NUBPL: variants seen among roughly 807,000 people sequenced by gnomAD.
NUBPL encodes iron-sulfur cluster transfer protein NUBPL.
NUBPL carries 31 observed loss-of-function variants against 45.7 expected under a neutral mutation model. The observed-to-expected ratio is 0.68, with a 90% confidence interval of 0.51 to 0.92. The LOEUF is 0.92. NUBPL is among the 40% of genes least tolerant of loss of function. The pLI, the probability that NUBPL is intolerant of heterozygous loss-of-function variation, is 0.00. For missense variants in NUBPL, 401 were observed against 398.7 expected (o/e 1.01, Z -0.05); for synonymous variants, 144 against 140.9 (o/e 1.02, Z -0.15).
intron 4 of NUBPL, among the ~76,000 whole-genome samples, chr14:31,603,117 G>T (rs1012440932): frequency 2.6e-5 from 4 of 151,802 alleles, no homozygotes; most frequent in Admixed American, 6.6e-5. Flanking sequence ...TTCAAGACCA[G>T]CCTGGGCAAC....
At chr14:31,687,528 A>G (rs1480678792) in intron 6 of NUBPL, among the ~76,000 whole-genome samples, 3 of 152,250 alleles carry the variant, frequency 2.0e-5, no homozygotes, top group Admixed American at 1.3e-4. Context: ...CATAAAATTC[A>G]CTGTACTACA....
chr14:31,809,909 C>T (rs1458144503), intron 7 of NUBPL, among the ~76,000 whole-genome samples: 1 of 152,126 alleles, frequency 6.6e-6, no homozygotes, highest in Non-Finnish European at 1.5e-5. Flanking sequence ...TGTTAAGTTT[C>T]CATGTAGTTG....
At chr14:31,610,538 G>C (rs2139597651) in intron 4 of NUBPL, among the ~76,000 whole-genome samples, 2 of 145,606 alleles carry the variant, frequency 1.4e-5, no homozygotes, top group Middle Eastern at 7.4e-3. Context: ...AACAGAGGAG[G>C]AGGGAATATT....
chr14:31,673,862 A>G (rs2036631707), intron 6 of NUBPL, among the ~76,000 whole-genome samples: 1 of 152,198 alleles, frequency 6.6e-6, no homozygotes, highest in Admixed American at 6.5e-5. Flanking sequence ...CAATTTTTAT[A>G]AGTTATCTTC....
chr14:31,812,531 A>G (rs1217595212), intron 7 of NUBPL, among the ~76,000 whole-genome samples: 1 of 152,202 alleles, frequency 6.6e-6, no homozygotes, highest in Non-Finnish European at 1.5e-5. Context: ...TTTTCCCGGT[A>G]CAGTCTGTCA....
rs1230533102 is a variant in NUBPL at position 31,739,258 on chromosome 14, T to A, written c.514-48522T>A. The stretch of plus-strand genomic sequence containing the variant: ...TTATATTCTATATATATATATTTTT[T>A]TTTTTTAGTAGAGATGGGGTTTCAC... On this transcript the variant is annotated intron_variant, in intron 6 of 10. Coordinates refer to ENST00000281081, the MANE Select transcript of NUBPL (RefSeq NM_025152.3). Among the ~76,000 whole-genome samples the A allele has an allele frequency of 3.3e-4, 45 of 135,344 alleles. 2 individuals are homozygous for A. Among genetic ancestry groups the A allele is most frequent in the Middle Eastern group, 7.2e-3 (2 of 276 alleles). The allele number at this position is 135,344 out of a possible 152,430, so 88.8% of individuals were successfully genotyped here. A position where few individuals can be genotyped will look rare whatever the true frequency, so the allele number is the denominator to read the frequency against.
chr14:31,659,906 A>G (rs776838925), intron 4 of NUBPL, among the ~76,000 whole-genome samples: 15 of 152,162 alleles, frequency 9.9e-5, no homozygotes, highest in Non-Finnish European at 2.1e-4. Flanking sequence ...AATAGATTGG[A>G]TTAAAGGAAA....
intron 4 of NUBPL, among the ~76,000 whole-genome samples, chr14:31,651,125 C>T (rs774717653): frequency 1.3e-4 from 20 of 152,090 alleles, no homozygotes; most frequent in African/African-American, 3.9e-4. Flanking sequence ...TACTGTTCCA[C>T]GTCTTTGGAT....
intron 4 of NUBPL, among the ~76,000 whole-genome samples, chr14:31,600,801 T>C (rs1054778606): frequency 2.0e-5 from 3 of 151,602 alleles, no homozygotes; most frequent in South Asian, 4.2e-4. Context: ...CCATTGCTTT[T>C]GGTGTTTTAG....
intron 6 of NUBPL, among the ~76,000 whole-genome samples, chr14:31,730,455 C>A (rs915850832): frequency 1.3e-5 from 2 of 150,346 alleles, no homozygotes; most frequent in African/African-American, 2.4e-5. Flanking sequence ...TCTGCTGGAT[C>A]AAGTAATCTT....
intron 6 of NUBPL, among the ~76,000 whole-genome samples, chr14:31,749,181 GT>G (rs1566539989): frequency 6.6e-6 from 1 of 152,102 alleles, no homozygotes; most frequent in East Asian, 1.9e-4. Flanking sequence ...TTTTTTGATT[GT>G]TTTGAATTTC....
At chr14:31,607,133 C>T (rs765749867) in intron 4 of NUBPL, among the ~76,000 whole-genome samples, 1 of 152,132 alleles carries the variant, frequency 6.6e-6, no homozygotes, top group Non-Finnish European at 1.5e-5. Flanking sequence ...GTAATCCTAG[C>T]ACTTCGTGAG....
intron 4 of NUBPL, among the ~76,000 whole-genome samples, chr14:31,633,201 T>C (rs568349532): frequency 2.6e-5 from 4 of 152,298 alleles, no homozygotes; most frequent in African/African-American, 9.6e-5. Context: ...TGCATGGCCT[T>C]TGACCTACCT....
At chr14:31,696,353 T>G (rs2139878532) in intron 6 of NUBPL, among the ~76,000 whole-genome samples, 2 of 152,334 alleles carry the variant, frequency 1.3e-5, no homozygotes, top group South Asian at 4.1e-4. Context: ...AGACACATCT[T>G]GCACTGTTCT....
chr14:31,613,888 A>G (rs759336043), intron 4 of NUBPL, among the ~76,000 whole-genome samples: 17 of 152,162 alleles, frequency 1.1e-4, no homozygotes, highest in Non-Finnish European at 2.2e-4. Context: ...CATACTATGT[A>G]CTCACAAAAA....
At chr14:31,632,003 A>G (rs755083685) in intron 4 of NUBPL, among the ~76,000 whole-genome samples, 1 of 152,178 alleles carries the variant, frequency 6.6e-6, no homozygotes, top group Non-Finnish European at 1.5e-5. Context: ...AAGTTGTATA[A>G]TAATGAATCA....
intron 4 of NUBPL, among the ~76,000 whole-genome samples, chr14:31,639,380 G>A (rs2035610620): frequency 6.6e-6 from 1 of 152,202 alleles, no homozygotes; most frequent in Admixed American, 6.5e-5. Context: ...ATCAGCAGCG[G>A]TGGCTGCAGA....
intron 6 of NUBPL, among the ~76,000 whole-genome samples, chr14:31,725,406 C>G (rs1040573850): frequency 2.6e-5 from 4 of 152,094 alleles, no homozygotes; most frequent in African/African-American, 4.8e-5. Context: ...ATCCAAAATG[C>G]TGCGTACCAG....
intron 8 of NUBPL, 137 bp downstream of exon 8, chr14:31,826,851 G>A: frequency 1.3e-6 from 1 of 794,300 alleles, no homozygotes; most frequent in Non-Finnish European, 2.1e-6. Context: ...TCATTTTGGT[G>A]ACTTTAAAAA....
Sources: gnomAD v4.1 joint callset for allele counts (sites outside exome capture counted in the v4.1 genomes callset) on GRCh38, gnomAD v4.1.1 for gene constraint, MANE v1.5 for transcripts, NCBI Gene and HGNC (gene_info 2026-07-23, HGNC 2026-07-21) for gene names.